Variants in ASTN2 observed in about 807,000 individuals in gnomAD.
ASTN2 encodes astrotactin-2.
In ASTN2, 54 loss-of-function variants were observed where a neutral mutation model predicts 139.8. That is an observed-to-expected ratio of 0.39 (90% CI 0.31 to 0.48). The LOEUF is 0.48. ASTN2 is among the 20% of genes least tolerant of loss of function. The probability of loss-of-function intolerance (pLI) is 0.95; values close to 1 mark genes in which losing one functional copy is unlikely to be tolerated. For missense variants in ASTN2, 1,565 were observed against 1,725.1 expected, an observed-to-expected ratio of 0.91 and a Z score of 1.64; for synonymous variants, 756 against 719.5, an observed-to-expected ratio of 1.05 and a Z score of -0.81.
intron 3 of ASTN2, among the ~76,000 whole-genome samples, chr9:117,147,886 A>C (rs1172688673): frequency 6.6e-6 from 1 of 152,094 alleles, no homozygotes; most frequent in Non-Finnish European, 1.5e-5. Flanking sequence ...GGTTGGCTGG[A>C]GATGGGTATG....
chr9:116,808,707 T>A (rs972442074), intron 12 of ASTN2, among the ~76,000 whole-genome samples: 9 of 152,328 alleles, frequency 5.9e-5, no homozygotes, highest in Admixed American at 3.9e-4. Context: ...GCTTGGTTAA[T>A]GTTTTATGAA....
At chr9:117,083,895 A>G (rs1487175611) in intron 5 of ASTN2, among the ~76,000 whole-genome samples, 1 of 152,006 alleles carries the variant, frequency 6.6e-6, no homozygotes, top group Non-Finnish European at 1.5e-5. Flanking sequence ...TTTAAACAAT[A>G]TTTCAGGGAC....
intron 1 of ASTN2, among the ~76,000 whole-genome samples, chr9:117,402,179 G>T (rs763210353): frequency 1.3e-5 from 2 of 152,156 alleles, no homozygotes; most frequent in African/African-American, 4.8e-5. Context: ...AGATTCTCCT[G>T]CCCCGGCCTC....
chr9:116,576,863 T>C (rs1405511846), intron 19 of ASTN2, among the ~76,000 whole-genome samples: 2 of 152,118 alleles, frequency 1.3e-5, no homozygotes, highest in Non-Finnish European at 2.9e-5. Context: ...AGAAAGCTCA[T>C]CCCACCCTTA....
intron 10 of ASTN2, among the ~76,000 whole-genome samples, chr9:116,963,098 A>G (rs773597498): frequency 6.0e-4 from 91 of 152,352 alleles, no homozygotes; most frequent in African/African-American, 2.0e-3. Context: ...ATTGACTCCA[A>G]TGCAATATAA....
At chr9:117,403,086 T>C (rs1830883258) in intron 1 of ASTN2, among the ~76,000 whole-genome samples, 1 of 152,206 alleles carries the variant, frequency 6.6e-6, no homozygotes, top group African/African-American at 2.4e-5. Context: ...AGAGGTTTTC[T>C]AGGTAAAGGC....
chr9:116,925,331 A>C (rs1834723689), intron 10 of ASTN2, among the ~76,000 whole-genome samples: 1 of 152,168 alleles, frequency 6.6e-6, no homozygotes, highest in African/African-American at 2.4e-5. Context: ...CCTTATGAGG[A>C]GGAGTGAGGA....
At chr9:116,518,173 T>C (rs60133482) in intron 19 of ASTN2, among the ~76,000 whole-genome samples, 1,874 of 152,244 alleles carry the variant, frequency 0.012, 34 homozygotes, top group African/African-American at 0.043. Flanking sequence ...GGGAAATTCA[T>C]TGCAAAAAGA....
At chr9:116,997,753 A>G (rs1420406684) in intron 7 of ASTN2, among the ~76,000 whole-genome samples, 2 of 152,228 alleles carry the variant, frequency 1.3e-5, no homozygotes, top group Non-Finnish European at 2.9e-5. Context: ...TAGAAGTGTT[A>G]TTATAATAAC....
At chr9:116,595,103 C>T (rs1854512773) in intron 19 of ASTN2, among the ~76,000 whole-genome samples, 1 of 152,168 alleles carries the variant, frequency 6.6e-6, no homozygotes, top group South Asian at 2.1e-4. Flanking sequence ...AGTGACTATG[C>T]CCCCTCTAAA....
At chr9:116,560,739 T>C (rs1207959995) in intron 19 of ASTN2, among the ~76,000 whole-genome samples, 1 of 152,196 alleles carries the variant, frequency 6.6e-6, no homozygotes, top group Non-Finnish European at 1.5e-5. Context: ...AAAATGTCTC[T>C]GGGACCTGGG....
intron 3 of ASTN2, among the ~76,000 whole-genome samples, chr9:117,187,508 T>C (rs959746430): frequency 1.3e-5 from 2 of 152,220 alleles, no homozygotes; most frequent in African/African-American, 4.8e-5. Context: ...ATGAAGATTC[T>C]GACCTCATTA....
At chr9:116,763,574 C>T (rs980989403) in intron 13 of ASTN2, among the ~76,000 whole-genome samples, 44 of 152,110 alleles carry the variant, frequency 2.9e-4, no homozygotes, top group Admixed American at 6.6e-5. Context: ...TGGGAGAAAA[C>T]ACAGCCTCGG....
chr9:116,621,366 C>A (rs1428695852), intron 17 of ASTN2, among the ~76,000 whole-genome samples: 2 of 151,784 alleles, frequency 1.3e-5, no homozygotes, highest in Admixed American at 6.6e-5. Flanking sequence ...AAATGATAAT[C>A]AATGTTCTAT....
intron 5 of ASTN2, among the ~76,000 whole-genome samples, chr9:117,057,625 T>C (rs1163074716): frequency 6.6e-6 from 1 of 152,214 alleles, no homozygotes; most frequent in Non-Finnish European, 1.5e-5. Flanking sequence ...GAGATCAGGA[T>C]GTAGCTGTGC....
intron 1 of ASTN2, among the ~76,000 whole-genome samples, chr9:117,318,633 A>T (rs10739490): frequency 0.42 from 63,305 of 151,446 alleles, 13,530 homozygotes; most frequent in East Asian, 0.52. Context: ...TGACACTCTC[A>T]CAGTCAGACT....
At chr9:116,914,647 T>G (rs1236097411) in intron 10 of ASTN2, among the ~76,000 whole-genome samples, 1 of 151,576 alleles carries the variant, frequency 6.6e-6, no homozygotes, top group Non-Finnish European at 1.5e-5. Context: ...GTACAGATCT[T>G]CACATCTGAG....
intron 5 of ASTN2, among the ~76,000 whole-genome samples, chr9:117,082,732 G>A (rs538715070): frequency 6.6e-6 from 1 of 152,290 alleles, no homozygotes; most frequent in Admixed American, 6.5e-5. Context: ...GAACCTGAGA[G>A]GCAGAGGTTG....
intron 1 of ASTN2, among the ~76,000 whole-genome samples, chr9:117,402,662 A>C (rs1424059361): frequency 6.6e-6 from 1 of 152,202 alleles, no homozygotes; most frequent in Admixed American, 6.5e-5. Flanking sequence ...AGTATGTCCA[A>C]AATACTGCAT....
Sources: allele counts gnomAD v4.1 joint callset (sites outside exome capture counted in the v4.1 genomes callset), GRCh38; gene constraint gnomAD v4.1.1; transcripts MANE v1.5; gene names NCBI Gene and HGNC (gene_info 2026-07-23, HGNC 2026-07-21).